The following COL5A1 variants were observed in gnomAD, a reference collection of about 807,000 sequenced individuals.
COL5A1 encodes collagen alpha-1(V) chain.
Under a neutral mutation model 263.7 loss-of-function variants are expected in COL5A1, and 16 were observed. The ratio of observed to expected loss-of-function variants is 0.06; its 90% CI spans 0.04 to 0.09. COL5A1 has a LOEUF of 0.09. COL5A1 is among the 10% of genes least tolerant of loss of function. The pLI is 1.00. For synonymous variants in COL5A1, 1,012 were observed against 1,004.5 expected, an observed-to-expected ratio of 1.01 and a Z score of -0.14; for missense variants, 2,036 against 2,540.5, an observed-to-expected ratio of 0.80 and a Z score of 4.27.
At chr9:134,707,849 A>T (rs9409916) in intron 4 of COL5A1, among the ~76,000 whole-genome samples, 1 of 152,212 alleles carries the variant, frequency 6.6e-6, no homozygotes, top group Admixed American at 6.5e-5. Context: ...GGGAAGCCCC[A>T]GGGGAGGGAA....
chr9:134,709,835 G>T (rs1307883425), intron 4 of COL5A1, among the ~76,000 whole-genome samples: 2 of 152,208 alleles, frequency 1.3e-5, no homozygotes, highest in Admixed American at 1.3e-4. Flanking sequence ...GGCACTGAGG[G>T]TCTCTGGGAA....
intron 1 of COL5A1, among the ~76,000 whole-genome samples, chr9:134,655,461 C>T (rs1440849756): frequency 6.6e-6 from 1 of 152,052 alleles, no homozygotes; most frequent in Non-Finnish European, 1.5e-5. Context: ...GCTGCTAAGG[C>T]AGTTCGTAGC....
chr9:134,756,625 C>T (rs1588508459), intron 16 of COL5A1, 140 bp from the exon 17 acceptor site: 17 of 913,530 alleles, frequency 1.9e-5, no homozygotes, highest in Non-Finnish European at 2.5e-5. Context: ...CTCGCAGCAG[C>T]CCGGCCACTC....
chr9:134,719,428 G>C (rs564740030), intron 4 of COL5A1, among the ~76,000 whole-genome samples: 1 of 152,340 alleles, frequency 6.6e-6, no homozygotes, highest in South Asian at 2.1e-4. Flanking sequence ...GCACGCACAC[G>C]TATGTATGCA....
intron 25 of COL5A1, among the ~76,000 whole-genome samples, chr9:134,768,993 A>C (rs1836779629): frequency 6.6e-6 from 1 of 152,098 alleles, no homozygotes; most frequent in African/African-American, 2.4e-5. Flanking sequence ...AGGTGTGAGG[A>C]AGTAGAACAC....
chr9:134,726,813 T>G (rs956159783), intron 4 of COL5A1, among the ~76,000 whole-genome samples: 8 of 144,046 alleles, frequency 5.6e-5, no homozygotes, highest in Non-Finnish European at 1.2e-4. Flanking sequence ...GATGGATTGA[T>G]GGATGAGTGA....
rs1009962567 is a variant in COL5A1, at chr9:134,757,205, G to T, written c.1881+387G>T. On this transcript the variant is annotated intron_variant, in intron 17 of 65. Coordinates refer to ENST00000371817, the MANE Select transcript of COL5A1 (RefSeq NM_000093.5). The surrounding 1 kb of genome is among the most constrained non-coding windows in gnomAD (Gnocchi z 6.2). ...GGTGTTGTGGAGGTGAGTAGATGTT[G>T]CCCGTGGCTAAAGGCAGGGCTGTGT... 1.3e-5 allele frequency among the ~76,000 whole-genome samples: 2 copies of T among 152,124 alleles called. No homozygotes were observed. Among genetic ancestry groups the T allele is most frequent in the Non-Finnish European group, 2.9e-5 (2 of 68,030 alleles).
At chr9:134,655,101 G>C (rs1831908550) in intron 1 of COL5A1, among the ~76,000 whole-genome samples, 1 of 142,230 alleles carries the variant, frequency 7.0e-6, no homozygotes, top group South Asian at 2.4e-4. Context: ...GGGCTGGTGT[G>C]TGTAGGGCTG....
chr9:134,720,374 G>A (rs1273337057), intron 4 of COL5A1, among the ~76,000 whole-genome samples: 1 of 152,184 alleles, frequency 6.6e-6, no homozygotes, highest in Admixed American at 6.5e-5. Flanking sequence ...GCCGGGCAAG[G>A]CTCCACCAGG....
chr9:134,811,565 G>C lies in COL5A1; in HGVS notation c.3656G>C (p.Gly1219Ala), dbSNP rs1564475073. ...CAGAAAGGTGATGAAGGTCCCAGAG[G>C]CTTTCCTGGACCCCCTGGGCCAGTG... ...FGQKGDEGPRGFPGPPGPVGL... is the reference protein window; with the variant it reads ...FGQKGDEGPRAFPGPPGPVGL... Residue 1219 changes from glycine to alanine, a missense_variant, in exon 46 of 66, where the codon GGC (glycine) becomes GCC (alanine). Transcript: ENST00000371817. The C allele has an allele frequency of 6.4e-7, 1 of 1,569,100 alleles. No homozygotes were observed. The highest frequency in any genetic ancestry group is 1.9e-5 in the Admixed American group (1 of 52,596).
intron 63 of COL5A1, 90 bp downstream of exon 63, chr9:134,825,994 G>A: frequency 1.3e-6 from 1 of 758,572 alleles, no homozygotes; most frequent in Non-Finnish European, 2.3e-6. Flanking sequence ...TGTATATGCA[G>A]CTTTAAGACT....
chr9:134,750,837 C>T lies in COL5A1; in HGVS notation c.1617C>T (p.Val539=). ...ATGCGGGCTCCAAAGGCCCCATGGT[C>T]TCAGCCCAGGAGTCCCAGGCGCAAG... ...GGDAGSKGPM[V]SAQESQAQAI... The change falls in exon 13 of 66, where the codon GTC becomes GTT. Residue 539 remains valine, a synonymous_variant. Coordinates refer to ENST00000371817, the MANE Select transcript of COL5A1 (RefSeq NM_000093.5). 1 of 1,613,208 alleles carries T rather than the reference C, an allele frequency of 6.2e-7. No individual in the cohort carries two copies. Among genetic ancestry groups the T allele is most frequent in the Non-Finnish European group, 8.5e-7 (1 of 1,180,008 alleles).
chr9:134,829,850 G>T, intron 63 of COL5A1, 126 bp from the exon 64 acceptor site: 5 of 1,060,608 alleles, frequency 4.7e-6, no homozygotes, highest in Non-Finnish European at 7.0e-6. Context: ...GGTCCTCCCT[G>T]CAGCCCCCCC....
At chr9:134,709,012 T>C (rs772986797) in intron 4 of COL5A1, 3 of 453,998 alleles carry the variant, frequency 6.6e-6, no homozygotes, top group South Asian at 4.7e-5. Context: ...ACATTTGTCG[T>C]TGGATTTAGG....
chr9:134,747,547 G>A (rs992261161), intron 11 of COL5A1, among the ~76,000 whole-genome samples: 17 of 146,944 alleles, frequency 1.2e-4, no homozygotes, highest in African/African-American at 3.8e-4. Flanking sequence ...ACACACACCT[G>A]CATATGCATG....
chr9:134,808,862 G>T, intron 42 of COL5A1: 1 of 432,098 alleles, frequency 2.3e-6, no homozygotes, highest in Non-Finnish European at 4.3e-6. Context: ...CCACATACAG[G>T]CTCAAGAATT....
At chr9:134,694,924 C>G (rs1833407266) in intron 2 of COL5A1, among the ~76,000 whole-genome samples, 1 of 152,200 alleles carries the variant, frequency 6.6e-6, no homozygotes, top group Non-Finnish European at 1.5e-5. Flanking sequence ...CACGTCCCCA[C>G]TGGGGGCCCG....
intron 58 of COL5A1, among the ~76,000 whole-genome samples, chr9:134,820,511 A>G (rs1462109744): frequency 5.3e-5 from 8 of 152,142 alleles, no homozygotes; most frequent in African/African-American, 1.7e-4. Context: ...AAGTCAGGTC[A>G]TTCTGCCTGG....
Position 134,750,785 on chromosome 9 carries a change from T to G in COL5A1, c.1570-5T>G. Reference sequence around the variant, plus strand: ...CCCAGAGTGACCCTTGTCTTACACTTGCAGTTCCGGTTTGGAGGTGGCGGC... The same window carrying G: ...CCCAGAGTGACCCTTGTCTTACACTGGCAGTTCCGGTTTGGAGGTGGCGGC... On this transcript the variant is annotated splice_polypyrimidine_tract_variant and splice_region_variant and intron_variant, in intron 12 of 65. Transcript: ENST00000371817. 1 of 1,613,300 alleles carries G rather than the reference T, an allele frequency of 6.2e-7. No individual in the cohort carries two copies. The highest frequency in any genetic ancestry group is 8.5e-7 in the Non-Finnish European group (1 of 1,179,988).
Sources: gnomAD v4.1 joint callset for allele counts (sites outside exome capture counted in the v4.1 genomes callset) on GRCh38, gnomAD v4.1.1 for gene constraint, Gnocchi (gnomAD v3.1) non-coding constraint, MANE v1.5 for transcripts, NCBI Gene and HGNC (gene_info 2026-07-23, HGNC 2026-07-21) for gene names.